The following N4BP1 variants were observed in gnomAD, a reference collection of about 807,000 sequenced individuals.
N4BP1 encodes NEDD4 binding protein 1.
Under a neutral mutation model 70.9 loss-of-function variants are expected in N4BP1, and 21 were observed. That is an observed-to-expected ratio of 0.30 (90% CI 0.21 to 0.43). N4BP1 has a LOEUF of 0.43. Among genes scored for constraint, N4BP1 ranks in the 20% least tolerant of loss-of-function variants. N4BP1 has a pLI of 1.00. For missense variants in N4BP1, 936 were observed against 1,069.4 expected (o/e 0.88, Z 1.74); for synonymous variants, 387 against 394.6 (o/e 0.98, Z 0.23).
At position 48,541,425 on chromosome 16, in the gene N4BP1, T is replaced by G. The variant is rs908459979; in HGVS notation, c.*1479A>C. On this transcript the variant is annotated 3_prime_UTR_variant, in exon 7 of 7. Coordinates refer to ENST00000262384, the MANE Select transcript of N4BP1 (RefSeq NM_153029.4). ...TCACGGACGCATCTGAGAGGAAACATGATTGAAGGACAAGCTTGGCCTCAT... is the reference window on the plus strand; with the variant it reads ...TCACGGACGCATCTGAGAGGAAACAGGATTGAAGGACAAGCTTGGCCTCAT... 1 of 152,234 alleles carries G rather than the reference T, an allele frequency of 6.6e-6. No individual in the cohort carries two copies. Among genetic ancestry groups the G allele is most frequent in the Non-Finnish European group, 1.5e-5 (1 of 68,084 alleles). The allele number at this position is 152,234 out of a possible 1,614,324, so 9.4% of individuals were successfully genotyped here.
At chr16:48,582,185 A>G (rs1281131246) in intron 1 of N4BP1, among the ~76,000 whole-genome samples, 2 of 152,244 alleles carry the variant, frequency 1.3e-5, no homozygotes, top group Non-Finnish European at 2.9e-5. Context: ...CAACAGGTAC[A>G]GTAGTGAGTC....
At chr16:48,564,412 T>C (rs1446282829) in intron 1 of N4BP1, among the ~76,000 whole-genome samples, 2 of 152,220 alleles carry the variant, frequency 1.3e-5, no homozygotes, top group African/African-American at 4.8e-5. Flanking sequence ...TCTAGCACCA[T>C]TTCTTGAAAA....
At position 48,609,814 on chromosome 16, in the gene N4BP1, C is replaced by G; in HGVS notation, c.159G>C (p.Leu53=). 6.7e-7 allele frequency: 1 copy of G among 1,484,982 alleles called. No homozygotes were observed. Among genetic ancestry groups the G allele is most frequent in the Non-Finnish European group, 8.9e-7 (1 of 1,122,550 alleles). 92.0% of individuals were successfully genotyped at this position (1,484,982 alleles called of 1,614,324 possible). Residue 53 remains leucine (L), a synonymous_variant, in exon 1 of 7, where the codon CTG becomes CTC. Transcript: ENST00000262384. ...AEEPLPARIW[L]QLCGAQEAVH... ...CCGCCTCCTGCGCCCCGCAGAGCTG[C>G]AGCCAGATGCGCGCGGGCAGCGGCT...
rs1485623394 is a variant in N4BP1, at chr16:48,590,430, CCT to C, written c.198+19343_198+19344del. On this transcript the variant is annotated intron_variant, in intron 1 of 6. Transcript: ENST00000262384. The stretch of plus-strand genomic sequence containing the variant: ...ATTACTCTTTCTCCACTGCAGTTCC[CCT>C]GTCTTGATAAATTGGCTCTGTCTAG... Among the ~76,000 whole-genome samples the C allele has an allele frequency of 1.1e-4, 17 of 152,246 alleles. No individual in the cohort carries two copies. The East Asian group carries it at 1.9e-3, about 17-fold the overall frequency.
At chr16:48,559,052 G>A (rs533497195) in intron 2 of N4BP1, among the ~76,000 whole-genome samples, 30 of 152,106 alleles carry the variant, frequency 2.0e-4, no homozygotes, top group African/African-American at 7.2e-4. Context: ...CCATATATCT[G>A]AGATTTCCTT....
chr16:48,575,536 A>G (rs1235592408), intron 1 of N4BP1, among the ~76,000 whole-genome samples: 1 of 152,338 alleles, frequency 6.6e-6, no homozygotes, highest in East Asian at 1.9e-4. Context: ...TTCAAAACAC[A>G]GCTAAAACCA....
At chr16:48,592,345 G>A (rs1964351412) in intron 1 of N4BP1, among the ~76,000 whole-genome samples, 1 of 152,190 alleles carries the variant, frequency 6.6e-6, no homozygotes, top group South Asian at 2.1e-4. Context: ...TGAAAATCCA[G>A]GATGCAATAT....
intron 1 of N4BP1, among the ~76,000 whole-genome samples, chr16:48,595,833 G>T (rs1002629820): frequency 6.6e-6 from 1 of 152,182 alleles, no homozygotes. Flanking sequence ...CTGACCTGTG[G>T]TAAGTAAAGA....
intron 1 of N4BP1, among the ~76,000 whole-genome samples, chr16:48,603,003 C>T (rs969983604): frequency 3.0e-4 from 45 of 151,876 alleles, no homozygotes; most frequent in African/African-American, 1.1e-3. Context: ...CGCACGCACA[C>T]GCATAGAAAA....
At chr16:48,558,549 T>C (rs896461758) in intron 2 of N4BP1, among the ~76,000 whole-genome samples, 12 of 152,210 alleles carry the variant, frequency 7.9e-5, no homozygotes, top group Non-Finnish European at 1.3e-4. Flanking sequence ...AATATGCCTG[T>C]TAACTACCCC....
In N4BP1 at chr16:48,560,791, T is replaced by C; in HGVS notation, c.1852A>G (p.Lys618Glu). The change falls in exon 2 of 7, where the codon AAA becomes GAA. Residue 618 changes from lysine (K) to glutamate (E), a missense_variant. Transcript: ENST00000262384. ...LKNEPGRTDL[K>E]HIVIDGSNVA... ...TTGCTCCCATCTATAACAATGTGTT[T>C]CAAATCCGTTCTCCCTGGTTCATTT... 6.2e-7 allele frequency: 1 copy of C among 1,612,130 alleles called. No individual in the cohort carries two copies. Among genetic ancestry groups the C allele is most frequent in the Non-Finnish European group, 8.5e-7 (1 of 1,179,188 alleles).
intron 1 of N4BP1, among the ~76,000 whole-genome samples, chr16:48,608,384 C>G (rs1291361006): frequency 6.6e-6 from 1 of 152,136 alleles, no homozygotes; most frequent in African/African-American, 2.4e-5. Flanking sequence ...CAAACACTCA[C>G]GATTTTTTGT....
At chr16:48,600,601 GA>G in intron 1 of N4BP1, 1 of 556,944 alleles carries the variant, frequency 1.8e-6, no homozygotes, top group Non-Finnish European at 3.5e-6. Context: ...AGTTGGAAGA[GA>G]AAACAGTACA....
At chr16:48,580,433 A>G (rs1043345579) in intron 1 of N4BP1, among the ~76,000 whole-genome samples, 1 of 152,178 alleles carries the variant, frequency 6.6e-6, no homozygotes, top group Non-Finnish European at 1.5e-5. Flanking sequence ...ATCAGTAATA[A>G]GAAGTCTCCT....
At chr16:48,594,134 T>C (rs1465785640) in intron 1 of N4BP1, among the ~76,000 whole-genome samples, 3 of 152,190 alleles carry the variant, frequency 2.0e-5, no homozygotes, top group Non-Finnish European at 4.4e-5. Context: ...CGAAAGGTTT[T>C]CATTTGCCTT....
At chr16:48,551,548 G>A in intron 3 of N4BP1, 66 bp from the exon 4 acceptor site, 1 of 1,123,702 alleles carries the variant, frequency 8.9e-7, no homozygotes, top group Non-Finnish European at 1.3e-6. Context: ...ATCAAGAAAT[G>A]AAAGTACACT....
At chr16:48,592,807 T>G (rs1204137801) in intron 1 of N4BP1, among the ~76,000 whole-genome samples, 2 of 152,198 alleles carry the variant, frequency 1.3e-5, no homozygotes, top group Admixed American at 6.5e-5. Context: ...CTTTTGAAAA[T>G]TCTTCAATAT....
intron 1 of N4BP1, among the ~76,000 whole-genome samples, chr16:48,602,093 G>A (rs745627648): frequency 6.6e-6 from 1 of 152,082 alleles, no homozygotes; most frequent in Non-Finnish European, 1.5e-5. Context: ...GCATGGTGGC[G>A]CAAGCCTGAA....
At chr16:48,567,156 G>A (rs1236607266) in intron 1 of N4BP1, among the ~76,000 whole-genome samples, 1 of 152,066 alleles carries the variant, frequency 6.6e-6, no homozygotes, top group African/African-American at 2.4e-5. Flanking sequence ...TCCACTGACG[G>A]TGCCTGTCTT....
Sources: allele counts gnomAD v4.1 joint callset (sites outside exome capture counted in the v4.1 genomes callset), GRCh38; gene constraint gnomAD v4.1.1; transcripts MANE v1.5; gene names NCBI Gene and HGNC (gene_info 2026-07-23, HGNC 2026-07-21).